Variants in TMEM131 observed in about 807,000 individuals in gnomAD.
TMEM131 encodes the protein 2610524E03Rik.
TMEM131 carries 66 observed loss-of-function variants against 211.6 expected under a neutral mutation model. That is an observed-to-expected ratio of 0.31 (90% CI 0.26 to 0.38). The LOEUF (loss-of-function observed/expected upper bound fraction) is 0.38, where lower values mean the gene tolerates loss of function less well. TMEM131 is among the 10% of genes least tolerant of loss of function. TMEM131 has a pLI of 1.00. For missense variants in TMEM131, 2,036 were observed against 2,299.3 expected (o/e 0.89, Z 2.34); for synonymous variants, 844 against 841.3 (o/e 1.00, Z -0.06).
At chr2:97,860,764 A>C (rs1259172540) in intron 4 of TMEM131, among the ~76,000 whole-genome samples, 1 of 152,246 alleles carries the variant, frequency 6.6e-6, no homozygotes, top group Non-Finnish European at 1.5e-5. Context: ...CCACAGAAAT[A>C]CTAAATTTAA....
intron 3 of TMEM131, among the ~76,000 whole-genome samples, chr2:97,889,647 TAGATGTTGG>T (rs1207869925): frequency 1.3e-5 from 2 of 151,138 alleles, no homozygotes; most frequent in Admixed American, 6.6e-5. Context: ...ATGGACTGTT[TAGATGTTGG>T]AGAAAAAGGA....
chr2:97,925,962 A>T (rs1026322497), intron 2 of TMEM131, among the ~76,000 whole-genome samples: 13 of 151,994 alleles, frequency 8.6e-5, no homozygotes, highest in African/African-American at 3.1e-4. Flanking sequence ...TACAAAAAAA[A>T]TTAGCTGGGC....
At chr2:97,989,676 C>T (rs1393923620) in intron 1 of TMEM131, among the ~76,000 whole-genome samples, 1 of 152,140 alleles carries the variant, frequency 6.6e-6, no homozygotes, top group African/African-American at 2.4e-5. Flanking sequence ...AGGTTTCATA[C>T]TCTATCATGA....
intron 3 of TMEM131, among the ~76,000 whole-genome samples, chr2:97,890,598 G>A (rs748874377): frequency 2.6e-5 from 4 of 152,124 alleles, no homozygotes; most frequent in Non-Finnish European, 5.9e-5. Flanking sequence ...CATGGATACT[G>A]TTCATATTAA....
chr2:97,871,814 T>C (rs1674499418), intron 4 of TMEM131, among the ~76,000 whole-genome samples: 1 of 152,208 alleles, frequency 6.6e-6, no homozygotes, highest in South Asian at 2.1e-4. Context: ...AAACTCTTTA[T>C]TGCAATACCA....
chr2:97,889,235 C>G (rs1047189811), intron 3 of TMEM131, among the ~76,000 whole-genome samples: 2 of 152,060 alleles, frequency 1.3e-5, no homozygotes, highest in African/African-American at 2.4e-5. Flanking sequence ...ATATGTTGAA[C>G]AGAAAAGATG....
chr2:97,933,540 TG>T (rs1321795369), intron 1 of TMEM131, among the ~76,000 whole-genome samples: 2 of 152,144 alleles, frequency 1.3e-5, no homozygotes, highest in Non-Finnish European at 2.9e-5. Context: ...TGGTGGTGTT[TG>T]TATAACATTG....
At position 97,792,757 on chromosome 2, in the gene TMEM131, T is replaced by A; in HGVS notation, c.3773A>T (p.Asn1258Ile). The A allele has an allele frequency of 1.9e-6, 3 of 1,614,078 alleles. No individual in the cohort carries two copies. The highest frequency in any genetic ancestry group is 2.5e-6 in the Non-Finnish European group (3 of 1,179,892). The change falls in exon 31 of 41, where the codon AAC (asparagine) becomes ATC (isoleucine). Residue 1258 changes from asparagine to isoleucine, a missense_variant. Asn to Ile is a moderately radical substitution (Grantham distance 149, BLOSUM62 -3). Around this residue, in one of 3 missense-constraint regions of TMEM131, gnomAD observed 1,623 missense variants for 1,805.9 expected, o/e 0.90. Coordinates refer to ENST00000186436, the MANE Select transcript of TMEM131 (RefSeq NM_015348.2). Reference protein sequence around the residue: ...SAQAASSQSANKTSPLVLDSN... With the variant: ...SAQAASSQSAIKTSPLVLDSN... ...ATCTAAGACAAGGGGGCTTGTTTTG[T>A]TAGCAGACTGTGAAGAAGCTGCTTG... is the stretch of plus-strand genomic sequence containing the variant.
chr2:97,825,143 A>C (rs1416955936), intron 11 of TMEM131, among the ~76,000 whole-genome samples: 1 of 152,196 alleles, frequency 6.6e-6, no homozygotes, highest in African/African-American at 2.4e-5. Context: ...GTTTAGGGAT[A>C]GCCCTCATCT....
At chr2:97,935,566 AG>A (rs1677406578) in intron 1 of TMEM131, among the ~76,000 whole-genome samples, 1 of 152,242 alleles carries the variant, frequency 6.6e-6, no homozygotes, top group African/African-American at 2.4e-5. Context: ...ATTTAATTTC[AG>A]GACCTACATG....
At chr2:97,881,291 T>G (rs1015579870) in intron 4 of TMEM131, among the ~76,000 whole-genome samples, 4 of 151,038 alleles carry the variant, frequency 2.6e-5, no homozygotes, top group Non-Finnish European at 4.4e-5. Context: ...CAGGCTGGAG[T>G]GCACTGTTGT....
chr2:97,975,833 T>C (rs560572486), intron 1 of TMEM131, among the ~76,000 whole-genome samples: 10 of 142,496 alleles, frequency 7.0e-5, no homozygotes, highest in Admixed American at 2.8e-4. Context: ...AAAAGACCAA[T>C]ATTCCTAATG....
chr2:97,811,028 G>T, intron 18 of TMEM131, 100 bp downstream of exon 18: 2 of 855,990 alleles, frequency 2.3e-6, no homozygotes, highest in Non-Finnish European at 3.9e-6. Context: ...CTGGTAAACT[G>T]TAACTCTGAG....
chr2:97,861,038 T>C (rs970867299), intron 4 of TMEM131, among the ~76,000 whole-genome samples: 9 of 152,192 alleles, frequency 5.9e-5, no homozygotes, highest in Non-Finnish European at 8.8e-5. Context: ...AGTGCTGCCC[T>C]GTCACAGCAG....
At position 97,995,483 on chromosome 2, in the gene TMEM131, C is replaced by G; in HGVS notation, c.180G>C (p.Glu60Asp). ...CCGCCGGGGGACACCCACCTTCCTT[C>G]TCGGCCCGCGCCGCAGCCACTACGA... ...MTLVVAAARA[E>D]KEAFVQSESI... is the part of the protein sequence containing the mutation. The change falls in exon 1 of 41, where the codon GAG becomes GAC. Residue 60 changes from glutamate (E) to aspartate (D), a missense_variant. Physicochemically the swap from Glu to Asp is conservative, Grantham distance 45. Around this residue, in one of 3 missense-constraint regions of TMEM131, gnomAD observed 136 missense variants for 115.4 expected, o/e 1.18. Coordinates refer to ENST00000186436, the MANE Select transcript of TMEM131 (RefSeq NM_015348.2). 7.1e-7 allele frequency: 1 copy of G among 1,407,190 alleles called. No homozygotes were observed. Among genetic ancestry groups the G allele is most frequent in the South Asian group, 1.5e-5 (1 of 66,296 alleles). The allele number at this position is 1,407,190 out of a possible 1,614,324, so 87.2% of individuals were successfully genotyped here.
intron 1 of TMEM131, among the ~76,000 whole-genome samples, chr2:97,933,076 T>C (rs1198505220): frequency 1.3e-5 from 2 of 152,238 alleles, no homozygotes; most frequent in African/African-American, 2.4e-5. Context: ...GGCTGTATCA[T>C]ATACCTTAGG....
At position 97,792,519 on chromosome 2, in the gene TMEM131, G is replaced by A. The variant is rs981840664; in HGVS notation, c.4011C>T (p.Ser1337=). 5 of 1,613,368 alleles carry A rather than the reference G, an allele frequency of 3.1e-6. No individual in the cohort carries two copies. The South Asian group carries it at 5.5e-5, about 18-fold the overall frequency. ...CCGAGTCCTCGGAACTGTGCCTCGC[G>A]CTGCTGGCACGTTCTGGGTGGGAAG... ...AHPSHPERAS[S]ARHSSEDSDI... is the part of the protein sequence containing the mutation. Residue 1337 remains serine (S), a synonymous_variant, in exon 31 of 41, where the codon AGC becomes AGT. Coordinates refer to ENST00000186436, the MANE Select transcript of TMEM131 (RefSeq NM_015348.2).
At chr2:97,768,802 G>A (rs142613550) in intron 33 of TMEM131, among the ~76,000 whole-genome samples, 112 of 152,260 alleles carry the variant, frequency 7.4e-4, no homozygotes, top group African/African-American at 2.5e-3. Context: ...TGTTGGTGAG[G>A]CTGGTCTCGA....
chr2:97,799,604 T>C (rs1338909863), intron 25 of TMEM131, among the ~76,000 whole-genome samples: 4 of 152,354 alleles, frequency 2.6e-5, no homozygotes, highest in South Asian at 2.1e-4. Context: ...GTATTCACCA[T>C]TGTGAGCATG....
Sources: gnomAD v4.1 joint callset for allele counts (sites outside exome capture counted in the v4.1 genomes callset) on GRCh38, gnomAD v4.1.1 for gene constraint, gnomAD v4.1.1 regional missense constraint, MANE v1.5 for transcripts, NCBI Gene and HGNC (gene_info 2026-07-23, HGNC 2026-07-21) for gene names.